The following DAAM1 variants were observed in gnomAD, a reference collection of about 807,000 sequenced individuals.
The protein encoded by DAAM1 is disheveled-associated activator of morphogenesis 1.
In DAAM1, 52 loss-of-function variants were observed where a neutral mutation model predicts 130.0. That is an observed-to-expected ratio of 0.40 (90% confidence interval 0.32 to 0.50). The LOEUF is 0.50. DAAM1 is among the 20% of genes least tolerant of loss of function. The pLI is 0.61. For synonymous variants in DAAM1, 452 were observed against 444.5 expected (o/e 1.02, Z -0.21); for missense variants, 1,134 against 1,303.8 (o/e 0.87, Z 2.01).
At chr14:59,301,789 G>T (rs1337568590) in intron 3 of DAAM1, among the ~76,000 whole-genome samples, 5 of 152,194 alleles carry the variant, frequency 3.3e-5, no homozygotes, top group African/African-American at 1.2e-4. Context: ...CTAACTTGCT[G>T]TCTATCCCCC....
chr14:59,199,095 C>T (rs8016382), intron 1 of DAAM1, among the ~76,000 whole-genome samples: 46,646 of 151,964 alleles, frequency 0.31, 7,302 homozygotes, highest in Middle Eastern at 0.37. Flanking sequence ...CTTGGCTGCC[C>T]CTGCCTTGGC....
intron 2 of DAAM1, among the ~76,000 whole-genome samples, chr14:59,272,643 A>G (rs56219816): frequency 1.8e-4 from 27 of 145,978 alleles, no homozygotes; most frequent in East Asian, 4.1e-4. Context: ...ACACACATAT[A>G]TATGTATGTA....
chr14:59,189,233 C>T (rs1387737667), intron 1 of DAAM1, among the ~76,000 whole-genome samples: 3 of 152,134 alleles, frequency 2.0e-5, no homozygotes, highest in Admixed American at 2.0e-4. Context: ...GTGGACACGG[C>T]GGTGGCGACA....
intron 2 of DAAM1, chr14:59,264,398 C>CT (rs1291029445): frequency 2.6e-5 from 4 of 152,088 alleles, no homozygotes; most frequent in South Asian, 2.1e-4. Flanking sequence ...CTTAGGAAGA[C>CT]TTTTTTTCAA....
chr14:59,333,337 AT>A (rs1351365176), intron 15 of DAAM1, among the ~76,000 whole-genome samples: 3 of 152,188 alleles, frequency 2.0e-5, no homozygotes, highest in Non-Finnish European at 4.4e-5. Context: ...TACACACCAA[AT>A]AAGGGAAGAT....
At chr14:59,279,293 A>T (rs1416369261) in intron 2 of DAAM1, among the ~76,000 whole-genome samples, 1 of 152,140 alleles carries the variant, frequency 6.6e-6, no homozygotes, top group East Asian at 1.9e-4. Flanking sequence ...TCATGTTAAG[A>T]GATACTATTG....
intron 1 of DAAM1, among the ~76,000 whole-genome samples, chr14:59,196,894 C>T (rs1481368448): frequency 1.3e-5 from 2 of 152,174 alleles, no homozygotes; most frequent in African/African-American, 4.8e-5. Flanking sequence ...AAATGTCATA[C>T]ATTTCTGTTC....
intron 23 of DAAM1, among the ~76,000 whole-genome samples, chr14:59,366,051 T>C (rs1169082327): frequency 1.3e-5 from 2 of 151,150 alleles, no homozygotes; most frequent in East Asian, 3.8e-4. Flanking sequence ...TATTTTTATT[T>C]AACTTTAAAA....
chr14:59,277,742 T>C (rs978058831), intron 2 of DAAM1, among the ~76,000 whole-genome samples: 1 of 152,096 alleles, frequency 6.6e-6, no homozygotes, highest in African/African-American at 2.4e-5. Context: ...TGAAAGGAGC[T>C]CGGCCACCCA....
intron 1 of DAAM1, among the ~76,000 whole-genome samples, chr14:59,202,949 G>A (rs958055295): frequency 5.3e-5 from 8 of 151,394 alleles, no homozygotes; most frequent in South Asian, 2.1e-4. Context: ...TTAGCATAGC[G>A]TAGTATTGAA....
chr14:59,220,033 A>C (rs1201981968), intron 1 of DAAM1, among the ~76,000 whole-genome samples: 1 of 151,986 alleles, frequency 6.6e-6, no homozygotes, highest in Non-Finnish European at 1.5e-5. Context: ...TTTTTTTTCC[A>C]GGATGGCATC....
intron 1 of DAAM1, among the ~76,000 whole-genome samples, chr14:59,244,268 AGTCTT>A (rs1881263505): frequency 6.6e-6 from 1 of 150,418 alleles, no homozygotes. Flanking sequence ...TAAATTGCCC[AGTCTT>A]GGTTATGTCT....
chr14:59,192,332 A>G (rs1887758296), intron 1 of DAAM1, among the ~76,000 whole-genome samples: 1 of 152,162 alleles, frequency 6.6e-6, no homozygotes, highest in Non-Finnish European at 1.5e-5. Context: ...ATAAAGAGAA[A>G]CTTGAGGTCT....
intron 1 of DAAM1, among the ~76,000 whole-genome samples, chr14:59,261,072 G>A (rs1254062803): frequency 6.6e-6 from 1 of 152,162 alleles, no homozygotes; most frequent in Non-Finnish European, 1.5e-5. Context: ...TGAGAGCCAG[G>A]GCTCTGCTCT....
At chr14:59,231,465 C>T (rs372754550) in intron 1 of DAAM1, among the ~76,000 whole-genome samples, 1 of 152,126 alleles carries the variant, frequency 6.6e-6, no homozygotes, top group South Asian at 2.1e-4. Context: ...TTGATGCTTG[C>T]GAATGAAAGT....
At chr14:59,306,945 G>T (rs942035833) in intron 3 of DAAM1, among the ~76,000 whole-genome samples, 1 of 152,316 alleles carries the variant, frequency 6.6e-6, no homozygotes, top group South Asian at 2.1e-4. Flanking sequence ...TTGAGCAAGA[G>T]CTTTGGGCCA....
intron 15 of DAAM1, chr14:59,338,447 A>T: frequency 6.2e-7 from 1 of 1,611,034 alleles, no homozygotes; most frequent in South Asian, 1.1e-5. Flanking sequence ...CTTGCTTAAT[A>T]TAACTCCTTG....
intron 2 of DAAM1, among the ~76,000 whole-genome samples, chr14:59,288,120 C>T (rs1349967291): frequency 6.6e-6 from 1 of 152,182 alleles, no homozygotes; most frequent in Non-Finnish European, 1.5e-5. Context: ...TGAAGCCACA[C>T]ACCTACAACC....
intron 1 of DAAM1, among the ~76,000 whole-genome samples, chr14:59,205,499 G>GA (rs1321293901): frequency 1.3e-5 from 2 of 151,806 alleles, no homozygotes; most frequent in Admixed American, 6.6e-5. Context: ...TCTTTAAAAG[G>GA]AAAAAAAATT....
Sources: gnomAD v4.1 joint callset for allele counts (sites outside exome capture counted in the v4.1 genomes callset) on GRCh38, gnomAD v4.1.1 for gene constraint, MANE v1.5 for transcripts, NCBI Gene and HGNC (gene_info 2026-07-23, HGNC 2026-07-21) for gene names.